Variants in CDH10 observed in about 807,000 individuals in gnomAD.
CDH10 encodes the protein cadherin-10.
A neutral mutation model predicts 73.1 loss-of-function variants in CDH10; 30 were observed. That is an observed-to-expected ratio of 0.41 (90% confidence interval 0.31 to 0.56). CDH10 has a LOEUF of 0.56. CDH10 is among the 20% of genes least tolerant of loss of function. The pLI, the probability that CDH10 is intolerant of heterozygous loss-of-function variation, is 0.27. For missense variants in CDH10, 815 were observed against 973.7 expected (o/e 0.84, Z 2.17); for synonymous variants, 345 against 348.2 (o/e 0.99, Z 0.10).
At chr5:24,512,444 C>T (rs980009510) in intron 5 of CDH10, among the ~76,000 whole-genome samples, 1 of 152,156 alleles carries the variant, frequency 6.6e-6, no homozygotes, top group Non-Finnish European at 1.5e-5. Context: ...TAGTTATTTA[C>T]TACTCATACT....
At chr5:24,606,307 A>G (rs1394805601) in intron 1 of CDH10, among the ~76,000 whole-genome samples, 2 of 152,134 alleles carry the variant, frequency 1.3e-5, no homozygotes, top group Non-Finnish European at 2.9e-5. Context: ...ATCATCTAAC[A>G]CCTGCTAAGA....
chr5:24,586,124 A>C (rs926371453), intron 2 of CDH10, among the ~76,000 whole-genome samples: 5 of 152,210 alleles, frequency 3.3e-5, no homozygotes, highest in African/African-American at 1.2e-4. Flanking sequence ...AATAGTATAC[A>C]TTCTTACAGC....
At position 24,602,706 on chromosome 5, in the gene CDH10, T is replaced by C. The variant is rs544498095; in HGVS notation, c.-123-9093A>G. 2.1e-3 allele frequency among the ~76,000 whole-genome samples: 324 copies of C among 152,278 alleles called. 1 individual carries two copies. The highest frequency in any genetic ancestry group is 7.4e-3 in the African/African-American group (306 of 41,562). On this transcript the variant is annotated intron_variant, in intron 1 of 11. Transcript: ENST00000264463. ...ATCAAAGAAAAAATTTCTTTTTGAG[T>C]TTATTTTAACTTACTCTCCTGTCTC...
At chr5:24,550,239 T>C (rs774379061) in intron 2 of CDH10, among the ~76,000 whole-genome samples, 5 of 152,212 alleles carry the variant, frequency 3.3e-5, no homozygotes, top group African/African-American at 4.8e-5. Flanking sequence ...ATACATTGAA[T>C]TGTACAGTTT....
chr5:24,489,353 T>C (rs1018314741), intron 11 of CDH10, among the ~76,000 whole-genome samples: 7 of 152,254 alleles, frequency 4.6e-5, no homozygotes, highest in Admixed American at 6.5e-5. Flanking sequence ...TTTAATGTCA[T>C]GAAAAAGAAA....
At chr5:24,564,214 C>T (rs1745083837) in intron 2 of CDH10, among the ~76,000 whole-genome samples, 3 of 152,222 alleles carry the variant, frequency 2.0e-5, no homozygotes, top group African/African-American at 7.2e-5. Flanking sequence ...TGTACACACA[C>T]ATACTATATG....
In CDH10 at chr5:24,549,491, A is replaced by C. The variant is rs186441551; in HGVS notation, c.232-11817T>G. On this transcript the variant is annotated intron_variant, in intron 2 of 11. Transcript: ENST00000264463. ...AAGACACATTAATGTCAAAGCAGCA[A>C]AAGTGGGTAATAGTTCGTGTTTCAG... Among the ~76,000 whole-genome samples the C allele has an allele frequency of 1.1e-3, 164 of 152,162 alleles. 2 individuals carry two copies. Among genetic ancestry groups the C allele is most frequent in the African/African-American group, 3.8e-3 (159 of 41,568 alleles).
At position 24,535,785 on chromosome 5, in the gene CDH10, A is replaced by G. The variant is rs1258992045; in HGVS notation, c.564T>C (p.Asp188=). ...SVVQVTATDA[D]DPSYGNSARV... ...TGGCGCTGTTCCCATATGAAGGGTCATCGGCATCTGTAGCTGTGACTTGCA... is the reference window on the plus strand; with the variant it reads ...TGGCGCTGTTCCCATATGAAGGGTCGTCGGCATCTGTAGCTGTGACTTGCA... Residue 188 remains aspartate, a synonymous_variant, in exon 4 of 12, where the codon GAT becomes GAC. Transcript: ENST00000264463. 2 of 1,610,610 alleles carry G rather than the reference A, an allele frequency of 1.2e-6. No homozygotes were observed. The highest frequency in any genetic ancestry group is 8.5e-7 in the Non-Finnish European group (1 of 1,177,418).
intron 2 of CDH10, among the ~76,000 whole-genome samples, chr5:24,545,407 C>A (rs1744302971): frequency 6.6e-6 from 1 of 152,200 alleles, no homozygotes; most frequent in East Asian, 1.9e-4. Flanking sequence ...AATATAACTT[C>A]TTTGCTATGA....
chr5:24,518,193 CAA>C (rs1743179578), intron 5 of CDH10, among the ~76,000 whole-genome samples: 1 of 152,100 alleles, frequency 6.6e-6, no homozygotes, highest in African/African-American at 2.4e-5. Flanking sequence ...CTTTTTCTCT[CAA>C]GTGTCTTTTG....
intron 9 of CDH10, 33 bp downstream of exon 9, chr5:24,498,365 T>C: frequency 6.7e-7 from 1 of 1,501,580 alleles, no homozygotes; most frequent in Non-Finnish European, 9.1e-7. Flanking sequence ...ACAGTTAAAA[T>C]CTTTCCAGAG....
At chr5:24,597,344 CT>C in intron 1 of CDH10, among the ~76,000 whole-genome samples, 1 of 152,256 alleles carries the variant, frequency 6.6e-6, no homozygotes, top group South Asian at 2.1e-4. Flanking sequence ...TGTGCTTTGA[CT>C]GGCAAAGCTG....
chr5:24,574,179 C>G (rs564644253), intron 2 of CDH10, among the ~76,000 whole-genome samples: 1 of 152,106 alleles, frequency 6.6e-6, no homozygotes, highest in African/African-American at 2.4e-5. Context: ...AGCCACTGCG[C>G]CCGGCCTATC....
At chr5:24,616,826 T>C (rs1283999717) in intron 1 of CDH10, among the ~76,000 whole-genome samples, 1 of 152,170 alleles carries the variant, frequency 6.6e-6, no homozygotes, top group Non-Finnish European at 1.5e-5. Context: ...TGACCATAAA[T>C]TATACTGGTC....
Position 24,574,733 on chromosome 5 carries a change from G to C in CDH10, c.231+18527C>G, listed in dbSNP as rs1745532808. Reference sequence around the variant, plus strand: ...TGTTTGACAACAAACTCAGAAAGGAGTATGACAATTAACTTCCGAACTAAC... The same window carrying C: ...TGTTTGACAACAAACTCAGAAAGGACTATGACAATTAACTTCCGAACTAAC... On this transcript the variant is annotated intron_variant, in intron 2 of 11. Coordinates refer to ENST00000264463, the MANE Select transcript of CDH10 (RefSeq NM_006727.5). 3.1e-5 allele frequency among the ~76,000 whole-genome samples: 2 copies of C among 65,158 alleles called. 1 individual carries two copies. The highest frequency in any genetic ancestry group is 3.3e-4 in the Admixed American group (2 of 6,138). The allele number at this position is 65,158 out of a possible 152,430, so 42.7% of individuals were successfully genotyped here. A position where few individuals can be genotyped will look rare whatever the true frequency, so the allele number is the denominator to read the frequency against.
intron 5 of CDH10, among the ~76,000 whole-genome samples, chr5:24,518,057 C>G (rs1743176020): frequency 6.6e-6 from 1 of 152,122 alleles, no homozygotes; most frequent in African/African-American, 2.4e-5. Context: ...GTGGTATCCA[C>G]AATGGATTGG....
chr5:24,616,787 T>C (rs944796383), intron 1 of CDH10, among the ~76,000 whole-genome samples: 1 of 152,188 alleles, frequency 6.6e-6, no homozygotes, highest in Non-Finnish European at 1.5e-5. Flanking sequence ...TTTATCAATT[T>C]GTATGTCAGC....
chr5:24,500,451 T>C (rs571062443), intron 8 of CDH10, among the ~76,000 whole-genome samples: 1 of 152,372 alleles, frequency 6.6e-6, no homozygotes, highest in Non-Finnish European at 1.5e-5. Flanking sequence ...CGTCAGGTTC[T>C]AACTTCTTAT....
chr5:24,580,768 A>G (rs1179509526), intron 2 of CDH10, among the ~76,000 whole-genome samples: 2 of 152,186 alleles, frequency 1.3e-5, no homozygotes, highest in Admixed American at 1.3e-4. Flanking sequence ...GTCTAAAACC[A>G]AGGAGATGAT....
Sources: gnomAD v4.1 joint callset for allele counts (sites outside exome capture counted in the v4.1 genomes callset) on GRCh38, gnomAD v4.1.1 for gene constraint, MANE v1.5 for transcripts, NCBI Gene and HGNC (gene_info 2026-07-23, HGNC 2026-07-21) for gene names.